KLF13: variants seen among roughly 807,000 people sequenced by gnomAD.
KLF13 encodes KLF transcription factor 13, also known as Krueppel-like factor 13.
KLF13 carries 8 observed loss-of-function variants against 16.7 expected under a neutral mutation model. That is an observed-to-expected ratio of 0.48 (90% CI 0.28 to 0.87). The LOEUF (loss-of-function observed/expected upper bound fraction) is 0.87. Among genes scored for constraint, KLF13 ranks in the 40% least tolerant of loss-of-function variants. The probability of loss-of-function intolerance (pLI) is 0.10; values close to 1 mark genes in which losing one functional copy is unlikely to be tolerated. For missense variants in KLF13, 447 were observed against 452.2 expected (o/e 0.99, Z 0.10); for synonymous variants, 245 against 208.4 (o/e 1.18, Z -1.51).
At chr15:31,390,976 G>A (rs2039856499), upstream of KLF13, among the ~76,000 whole-genome samples, 1 of 150,950 alleles carries the variant, frequency 6.6e-6, no homozygotes, top group Admixed American at 6.6e-5. Context: ...GGCACTCTTG[G>A]CCATGGCATT....
chr15:31,339,752 G>T (rs2038990507), intron 1 of KLF13, among the ~76,000 whole-genome samples: 1 of 152,190 alleles, frequency 6.6e-6, no homozygotes, highest in Non-Finnish European at 1.5e-5. Flanking sequence ...GTTGGTGTTT[G>T]CTGTTAAATT....
intron 1 of KLF13, among the ~76,000 whole-genome samples, chr15:31,357,400 G>A (rs1050463217): frequency 2.0e-4 from 31 of 152,320 alleles, no homozygotes; most frequent in African/African-American, 5.8e-4. Flanking sequence ...CTGGTGACAC[G>A]GCCCAGAGAG....
chr15:31,345,309 C>T (rs2039096013), intron 1 of KLF13, among the ~76,000 whole-genome samples: 1 of 152,168 alleles, frequency 6.6e-6, no homozygotes, highest in Non-Finnish European at 1.5e-5. Context: ...TGTTTCTGTC[C>T]CTTGAGGGCG....
chr15:31,404,129 CA>C (rs2040079717), exon 3 of KLF13: 1 of 152,250 alleles, frequency 6.6e-6, no homozygotes, highest in Non-Finnish European at 1.5e-5. Context: ...GAGAGTGGGG[CA>C]CAGGCAAGTT....
chr15:31,408,992 A>G (rs926326506), downstream of KLF13, among the ~76,000 whole-genome samples: 2 of 152,318 alleles, frequency 1.3e-5, no homozygotes, highest in African/African-American at 4.8e-5. Flanking sequence ...ACAGTTTTAA[A>G]AAAACAAACC....
rs976787260 is a variant in KLF13, at chr15:31,377,306, C to G, written c.*5007C>G. The G allele has an allele frequency of 2.2e-5, 3 of 138,986 alleles. No individual in the cohort carries two copies. The highest frequency in any genetic ancestry group is 4.9e-5 in the African/African-American group (2 of 40,972). 8.6% of individuals were successfully genotyped at this position (138,986 alleles called of 1,614,324 possible). On this transcript the variant is annotated 3_prime_UTR_variant, in exon 2 of 2. Coordinates refer to ENST00000307145, the MANE Select transcript of KLF13 (RefSeq NM_015995.4). Reference sequence around the variant, plus strand: ...GGGAGACTTTGCTCCCTGGCCTCATCCTAGAGAGGCCCCTGGTGCCTAGTG... The same window carrying G: ...GGGAGACTTTGCTCCCTGGCCTCATGCTAGAGAGGCCCCTGGTGCCTAGTG...
chr15:31,415,286 T>C (rs1288534900), intron 1 of KLF13, among the ~76,000 whole-genome samples: 1 of 152,232 alleles, frequency 6.6e-6, no homozygotes, highest in East Asian at 1.9e-4. Flanking sequence ...TATTCCTTTA[T>C]AGCAACACAA....
chr15:31,363,675 G>A (rs1217827585), intron 1 of KLF13, among the ~76,000 whole-genome samples: 3 of 152,098 alleles, frequency 2.0e-5, no homozygotes, highest in Non-Finnish European at 4.4e-5. Context: ...TAGTAGAGAC[G>A]GGGTTTCACC....
chr15:31,348,226 G>A (rs1595463157), intron 1 of KLF13, among the ~76,000 whole-genome samples: 2 of 152,272 alleles, frequency 1.3e-5, no homozygotes, highest in Middle Eastern at 6.8e-3. Context: ...GACTGTGGAA[G>A]GTGATGTCTA....
intron 1 of KLF13, among the ~76,000 whole-genome samples, chr15:31,423,979 A>G (rs2040373640): frequency 6.6e-6 from 1 of 152,180 alleles, no homozygotes; most frequent in African/African-American, 2.4e-5. Flanking sequence ...AACAAATTTG[A>G]TAGCCTAGAA....
intron 1 of KLF13, among the ~76,000 whole-genome samples, chr15:31,432,658 C>T (rs906940769): frequency 1.3e-5 from 2 of 151,870 alleles, no homozygotes; most frequent in African/African-American, 4.8e-5. Flanking sequence ...CTTTGTTGCC[C>T]AGGCTAGTCT....
intron 1 of KLF13, among the ~76,000 whole-genome samples, chr15:31,369,053 A>G (rs1163869360): frequency 6.6e-6 from 1 of 152,222 alleles, no homozygotes; most frequent in Non-Finnish European, 1.5e-5. Flanking sequence ...ATGAAATTTA[A>G]GGATTTACCT....
chr15:31,383,750 A>C (rs1276058913), intron 1 of KLF13, among the ~76,000 whole-genome samples: 1 of 152,026 alleles, frequency 6.6e-6, no homozygotes, highest in Non-Finnish European at 1.5e-5. Context: ...AATGCAAAAA[A>C]AATTAGCTGG....
At chr15:31,421,380 C>T (rs1226195720) in intron 1 of KLF13, among the ~76,000 whole-genome samples, 2 of 152,064 alleles carry the variant, frequency 1.3e-5, no homozygotes, top group African/African-American at 2.4e-5. Flanking sequence ...GTATAATATT[C>T]TAATGGTGGT....
chr15:31,345,449 T>C (rs1447189988), intron 1 of KLF13, among the ~76,000 whole-genome samples: 1 of 152,212 alleles, frequency 6.6e-6, no homozygotes. Flanking sequence ...TTCGGGCACC[T>C]GCCTGGAGAG....
chr15:31,337,748 C>T (rs907494494), intron 1 of KLF13, among the ~76,000 whole-genome samples: 2 of 152,300 alleles, frequency 1.3e-5, no homozygotes, highest in South Asian at 2.1e-4. Context: ...GGGGTGTCGT[C>T]TTATGGGACC....
intron 1 of KLF13, among the ~76,000 whole-genome samples, chr15:31,352,953 C>T (rs2003980): frequency 0.14 from 21,066 of 152,030 alleles, 1,661 homozygotes; most frequent in Admixed American, 0.19. Flanking sequence ...GACCCACCTC[C>T]CCGTCTGTAT....
At chr15:31,398,346 A>C (rs1297872018) in intron 2 of KLF13, among the ~76,000 whole-genome samples, 1 of 152,192 alleles carries the variant, frequency 6.6e-6, no homozygotes, top group Non-Finnish European at 1.5e-5. Flanking sequence ...TGACGAGTTT[A>C]GAAGGCGTAT....
At chr15:31,383,284 A>G (rs2039750462) in intron 1 of KLF13, among the ~76,000 whole-genome samples, 2 of 152,234 alleles carry the variant, frequency 1.3e-5, no homozygotes, top group African/African-American at 2.4e-5. Context: ...TGCTCAGAGC[A>G]GGGAGGATGG....
Sources: allele counts gnomAD v4.1 joint callset (sites outside exome capture counted in the v4.1 genomes callset), GRCh38; gene constraint gnomAD v4.1.1; transcripts MANE v1.5; gene names NCBI Gene and HGNC (gene_info 2026-07-23, HGNC 2026-07-21).